Variants in XPR1 observed in about 807,000 individuals in gnomAD.
XPR1 encodes the protein solute carrier family 53 member 1.
Under a neutral mutation model 87.5 loss-of-function variants are expected in XPR1, and 28 were observed. That is an observed-to-expected ratio of 0.32 (90% confidence interval 0.24 to 0.44). XPR1 has a LOEUF of 0.44. Ranked by LOEUF, XPR1 falls within the 20% of genes least tolerant of loss-of-function variation. The pLI is 1.00. For missense variants in XPR1, 559 were observed against 862.3 expected, an observed-to-expected ratio of 0.65 and a Z score of 4.41; for synonymous variants, 300 against 306.1, an observed-to-expected ratio of 0.98 and a Z score of 0.21.
At chr1:180,846,386 G>A (rs938423275) in intron 11 of XPR1, among the ~76,000 whole-genome samples, 3 of 151,954 alleles carry the variant, frequency 2.0e-5, no homozygotes, top group Non-Finnish European at 4.4e-5. Flanking sequence ...TGTAATGAAC[G>A]AAAGACCAGT....
intron 2 of XPR1, among the ~76,000 whole-genome samples, chr1:180,697,489 C>A (rs11484677): frequency 0.043 from 6,537 of 151,532 alleles, 502 homozygotes; most frequent in African/African-American, 0.15. Flanking sequence ...CTTTTCTTCT[C>A]CTGATTTGGG....
intron 11 of XPR1, 36 bp downstream of exon 11, chr1:180,836,752 AC>A (rs1164709308): frequency 6.2e-7 from 1 of 1,605,114 alleles, no homozygotes; most frequent in South Asian, 1.1e-5. Flanking sequence ...ATTTTTTTAA[AC>A]CTGGATTTTT....
At chr1:180,800,322 A>G (rs1649733033) in intron 3 of XPR1, among the ~76,000 whole-genome samples, 1 of 152,260 alleles carries the variant, frequency 6.6e-6, no homozygotes, top group Admixed American at 6.5e-5. Context: ...CCTAGGGAAA[A>G]AGATTCAAAG....
intron 2 of XPR1, among the ~76,000 whole-genome samples, chr1:180,773,496 T>C (rs979633269): frequency 2.0e-5 from 3 of 152,240 alleles, no homozygotes; most frequent in African/African-American, 7.2e-5. Context: ...TCCCTTTCCT[T>C]TCACAATGGA....
chr1:180,837,960 A>G (rs1291007847), intron 11 of XPR1, among the ~76,000 whole-genome samples: 1 of 152,098 alleles, frequency 6.6e-6, no homozygotes, highest in African/African-American at 2.4e-5. Context: ...TTGGTCGAAT[A>G]TTTTAGAACA....
chr1:180,758,521 A>C (rs1041258821), intron 2 of XPR1, among the ~76,000 whole-genome samples: 1 of 152,124 alleles, frequency 6.6e-6, no homozygotes, highest in Non-Finnish European at 1.5e-5. Flanking sequence ...CAACCTGGTC[A>C]ACATGGTGAA....
intron 1 of XPR1, among the ~76,000 whole-genome samples, chr1:180,652,100 T>A (rs905595743): frequency 2.0e-5 from 3 of 152,206 alleles, no homozygotes; most frequent in African/African-American, 7.2e-5. Context: ...GAGACCAGCC[T>A]GGTCAACATG....
At chr1:180,754,072 G>A (rs1304195766) in intron 2 of XPR1, among the ~76,000 whole-genome samples, 3 of 152,054 alleles carry the variant, frequency 2.0e-5, no homozygotes, top group Non-Finnish European at 2.9e-5. Context: ...TCACTCTCTC[G>A]ACACTTGTTC....
chr1:180,726,592 C>G (rs1229903365), intron 2 of XPR1, among the ~76,000 whole-genome samples: 4 of 152,210 alleles, frequency 2.6e-5, no homozygotes, highest in Admixed American at 1.3e-4. Flanking sequence ...AAACTGTTTA[C>G]ATAATAATAC....
chr1:180,774,286 C>A (rs1571824936), intron 2 of XPR1, among the ~76,000 whole-genome samples: 1 of 148,738 alleles, frequency 6.7e-6, no homozygotes, highest in East Asian at 2.0e-4. Flanking sequence ...AATTTTGCAA[C>A]AAAGATGTAG....
At chr1:180,717,183 G>A (rs943555987) in intron 2 of XPR1, among the ~76,000 whole-genome samples, 7 of 152,106 alleles carry the variant, frequency 4.6e-5, no homozygotes, top group Admixed American at 4.6e-4. Flanking sequence ...AGTAGAGAAG[G>A]TGTTTCACCA....
chr1:180,688,990 A>G (rs1201243882), intron 2 of XPR1, among the ~76,000 whole-genome samples: 1 of 152,156 alleles, frequency 6.6e-6, no homozygotes, highest in Non-Finnish European at 1.5e-5. Flanking sequence ...AAAGCTTCAA[A>G]CTTCATTTTG....
chr1:180,785,722 G>A (rs540300136), intron 2 of XPR1, among the ~76,000 whole-genome samples: 60 of 151,982 alleles, frequency 3.9e-4, no homozygotes, highest in African/African-American at 1.3e-3. Flanking sequence ...ATTGCTTTAT[G>A]TTAATAAAAC....
intron 1 of XPR1, among the ~76,000 whole-genome samples, chr1:180,677,805 A>G (rs1055936458): frequency 1.2e-4 from 18 of 152,240 alleles, no homozygotes; most frequent in African/African-American, 4.3e-4. Context: ...ACTATAAACT[A>G]CGTTCCTCCC....
chr1:180,785,498 A>C (rs1471928994), intron 2 of XPR1, among the ~76,000 whole-genome samples: 1 of 152,176 alleles, frequency 6.6e-6, no homozygotes, highest in Admixed American at 6.6e-5. Flanking sequence ...AATTCTTAGG[A>C]GACTGATTCA....
intron 7 of XPR1, among the ~76,000 whole-genome samples, chr1:180,818,395 G>A (rs907103512): frequency 6.6e-6 from 1 of 151,248 alleles, no homozygotes; most frequent in African/African-American, 2.4e-5. Context: ...TGTTAAGTGT[G>A]CAGGCTTTGG....
At chr1:180,743,600 G>C (rs1314855785) in intron 2 of XPR1, among the ~76,000 whole-genome samples, 1 of 152,062 alleles carries the variant, frequency 6.6e-6, no homozygotes, top group East Asian at 1.9e-4. Flanking sequence ...CTTCATTCCT[G>C]ATGAGGTTTT....
At chr1:180,705,711 C>T (rs2101976546) in intron 2 of XPR1, among the ~76,000 whole-genome samples, 1 of 152,232 alleles carries the variant, frequency 6.6e-6, no homozygotes. Context: ...TTCTATAAGA[C>T]TATAATTTCC....
At chr1:180,725,596 TG>T (rs2102002223) in intron 2 of XPR1, among the ~76,000 whole-genome samples, 1 of 152,358 alleles carries the variant, frequency 6.6e-6, no homozygotes, top group East Asian at 1.9e-4. Context: ...AACATATTTT[TG>T]CATTCTCTTG....
Sources: allele counts gnomAD v4.1 joint callset (sites outside exome capture counted in the v4.1 genomes callset), GRCh38; gene constraint gnomAD v4.1.1; transcripts MANE v1.5; gene names NCBI Gene and HGNC (gene_info 2026-07-23, HGNC 2026-07-21).